Variants in RETREG3 observed in about 807,000 individuals in gnomAD.
The protein encoded by RETREG3 is reticulophagy regulator family member 3.
In RETREG3, 23 loss-of-function variants were observed where a neutral mutation model predicts 50.2. The observed-to-expected ratio is 0.46, with a 90% confidence interval of 0.33 to 0.65. RETREG3 has a LOEUF of 0.65. Among genes scored for constraint, RETREG3 ranks in the 30% least tolerant of loss-of-function variants. The pLI is 0.02. For missense variants in RETREG3, 546 were observed against 598.0 expected (o/e 0.91, Z 0.91); for synonymous variants, 240 against 234.4 (o/e 1.02, Z -0.22).
rs1323489567 is a variant in RETREG3 at position 42,585,209 on chromosome 17, C to T, written c.643G>A (p.Ala215Thr). Residue 215 changes from alanine to threonine, a missense_variant, in exon 6 of 9, where the codon GCA becomes ACA. By Grantham distance (58) the Ala-to-Thr change is moderately conservative. Coordinates refer to ENST00000309428, the MANE Select transcript of RETREG3 (RefSeq NM_178126.4). ...LAVYHRLWDR[A>T]YVRLKPALQR... ...AGAGCTGGCTTCAGCCGCACATATG[C>T]TCGATCCCACAGTCGGTGGTACACA... The T allele has an allele frequency of 6.2e-7, 1 of 1,613,944 alleles. No homozygotes were observed. Among genetic ancestry groups the T allele is most frequent in the Admixed American group, 1.7e-5 (1 of 60,012 alleles).
At chr17:42,592,193 A>C in intron 1 of RETREG3, 31 bp from the exon 2 acceptor site, 52 of 1,579,422 alleles carry the variant, frequency 3.3e-5, no homozygotes, top group Non-Finnish European at 4.1e-5. Flanking sequence ...AAGAAAGATC[A>C]TTTACCTAGT....
In RETREG3 at chr17:42,593,542, C is replaced by T. The variant is rs1182345459; in HGVS notation, c.240-1380G>A. Among the ~76,000 whole-genome samples, 5 of 150,082 alleles carry T rather than the reference C, an allele frequency of 3.3e-5. No homozygotes were observed. In the East Asian group the frequency reaches 1.0e-3, roughly 30 times the overall value. On this transcript the variant is annotated intron_variant, in intron 1 of 8. Transcript: ENST00000309428. Reference sequence around the variant, plus strand: ...GCGGGCGCCTGTAGTCCCAGCTGCTCGGGAGGCTGAGACGAGAATGGCGTG... The same window carrying T: ...GCGGGCGCCTGTAGTCCCAGCTGCTTGGGAGGCTGAGACGAGAATGGCGTG...
intron 8 of RETREG3, 46 bp from the exon 9 acceptor site, chr17:42,582,316 T>C (rs1451373039): frequency 6.5e-7 from 1 of 1,541,116 alleles, no homozygotes; most frequent in Non-Finnish European, 8.7e-7. Context: ...TACCTGGCCC[T>C]CCTGTGCCCC....
intron 6 of RETREG3, among the ~76,000 whole-genome samples, chr17:42,584,259 T>A (rs777672036): frequency 6.6e-6 from 1 of 152,136 alleles, no homozygotes; most frequent in East Asian, 1.9e-4. Flanking sequence ...AATCAGACTT[T>A]TGAGGACTGG....
chr17:42,592,343 C>T (rs2143394132), intron 1 of RETREG3, among the ~76,000 whole-genome samples, 181 bp from the exon 2 acceptor site: 1 of 152,322 alleles, frequency 6.6e-6, no homozygotes, highest in South Asian at 2.1e-4. Context: ...CTTAACTACT[C>T]TACCTATGGG....
chr17:42,586,350 G>C lies in RETREG3; in HGVS notation c.505-213C>G. On this transcript the variant is annotated intron_variant, in intron 4 of 8. Transcript: ENST00000309428. The stretch of plus-strand genomic sequence containing the variant: ...TTTACATGGCTAACCCCATAGGGCT[G>C]CACCTTTCCTGCCAAGAAATTGGTT... The C allele has an allele frequency of 5.7e-6, 3 of 526,768 alleles. No homozygotes were observed. In the South Asian group the frequency reaches 7.6e-5, roughly 13 times the overall value. The allele number at this position is 526,768 out of a possible 1,614,324, so 32.6% of individuals were successfully genotyped here.
intron 5 of RETREG3, 90 bp downstream of exon 5, chr17:42,585,963 T>C (rs2093120378): frequency 8.4e-7 from 1 of 1,191,830 alleles, no homozygotes; most frequent in South Asian, 1.2e-5. Flanking sequence ...AATTGAAATA[T>C]AACAGTCCTC....
At chr17:42,601,429 C>A (rs1266131123) in intron 1 of RETREG3, among the ~76,000 whole-genome samples, 1 of 146,006 alleles carries the variant, frequency 6.8e-6, no homozygotes, top group African/African-American at 2.5e-5. Context: ...AAAAATTAGC[C>A]GGGAGTGGTG....
Position 42,585,222 on chromosome 17 carries a change from T to A in RETREG3, c.630A>T (p.Arg210=). The A allele has an allele frequency of 6.2e-7, 1 of 1,614,034 alleles. No individual in the cohort carries two copies. Among genetic ancestry groups the A allele is most frequent in the Non-Finnish European group, 8.5e-7 (1 of 1,180,034 alleles). Residue 210 remains arginine, a synonymous_variant, in exon 6 of 9, where the codon CGA becomes CGT. Transcript: ENST00000309428. ...VMMWPLAVYH[R]LWDRAYVRLK... ...GCCGCACATATGCTCGATCCCACAGTCGGTGGTACACAGCAAGGGGCCACA... is the reference window on the plus strand; with the variant it reads ...GCCGCACATATGCTCGATCCCACAGACGGTGGTACACAGCAAGGGGCCACA...
rs760954637 is a variant in RETREG3 at position 42,609,173 on chromosome 17, G to A, written c.152C>T (p.Pro51Leu). 1 of 1,610,122 alleles carries A rather than the reference G, an allele frequency of 6.2e-7. No homozygotes were observed. Among genetic ancestry groups the A allele is most frequent in the Non-Finnish European group, 8.5e-7 (1 of 1,179,868 alleles). ...GGCTGCCTGCACCCGACTCAGCAGA[G>A]GCTCGTAAGGCCCCAGCACCTCCAC... is the stretch of plus-strand genomic sequence containing the variant. ...ALVEVLGPYE[P>L]LLSRVQAALV... The change falls in exon 1 of 9, where the codon CCT (proline) becomes CTT (leucine). Residue 51 changes from proline (P) to leucine (L), a missense_variant. By Grantham distance (98) the Pro-to-Leu change is moderately conservative. Coordinates refer to ENST00000309428, the MANE Select transcript of RETREG3 (RefSeq NM_178126.4).
At chr17:42,607,670 G>C (rs2093170643) in intron 1 of RETREG3, among the ~76,000 whole-genome samples, 1 of 151,936 alleles carries the variant, frequency 6.6e-6, no homozygotes. Context: ...GCCGGTTGTG[G>C]TGGTTCATGC....
chr17:42,605,381 G>A (rs2093166040), intron 1 of RETREG3: 1 of 152,008 alleles, frequency 6.6e-6, no homozygotes, highest in South Asian at 2.1e-4. Flanking sequence ...TTTCAGATTT[G>A]ATTTTTCTGA....
chr17:42,605,664 G>A (rs1314073924), intron 1 of RETREG3, among the ~76,000 whole-genome samples: 1 of 152,136 alleles, frequency 6.6e-6, no homozygotes, highest in Non-Finnish European at 1.5e-5. Flanking sequence ...GTCCTCTCCA[G>A]AAATGGCATA....
chr17:42,585,240 G>A lies in RETREG3; in HGVS notation c.612C>T (p.Pro204=). ...CCCACAGTCGGTGGTACACAGCAAG[G>A]GGCCACATCATGACAGTGACAACTG... ...YLMLVTVMMW[P]LAVYHRLWDR... is the part of the protein sequence containing the mutation. The change falls in exon 6 of 9, where the codon CCC becomes CCT. Residue 204 remains proline (P), a synonymous_variant. Coordinates refer to ENST00000309428, the MANE Select transcript of RETREG3 (RefSeq NM_178126.4). The A allele has an allele frequency of 6.2e-7, 1 of 1,613,940 alleles. No individual in the cohort carries two copies. The highest frequency in any genetic ancestry group is 1.1e-5 in the South Asian group (1 of 91,076).
At chr17:42,607,074 G>T (rs576632585) in intron 1 of RETREG3, among the ~76,000 whole-genome samples, 1 of 152,168 alleles carries the variant, frequency 6.6e-6, no homozygotes, top group African/African-American at 2.4e-5. Context: ...GGTTTAATGA[G>T]GCCCAGCCTT....
chr17:42,607,320 G>A (rs1374835271), intron 1 of RETREG3, among the ~76,000 whole-genome samples: 2 of 151,696 alleles, frequency 1.3e-5, no homozygotes, highest in Admixed American at 6.6e-5. Flanking sequence ...GCAATATAGT[G>A]AGACCCTGTC....
intron 1 of RETREG3, chr17:42,598,713 A>G (rs926023416): frequency 6.6e-6 from 1 of 152,146 alleles, no homozygotes; most frequent in South Asian, 2.1e-4. Flanking sequence ...CTGTCACGTT[A>G]TATCGTGAAC....
chr17:42,583,412 G>A (rs2093114208), intron 7 of RETREG3, 86 bp downstream of exon 7: 12 of 1,301,730 alleles, frequency 9.2e-6, no homozygotes, highest in Admixed American at 2.0e-5. Context: ...CCTCAAACCT[G>A]GTTATGGCCT....
At chr17:42,608,057 T>C (rs1381898146) in intron 1 of RETREG3, among the ~76,000 whole-genome samples, 1 of 152,322 alleles carries the variant, frequency 6.6e-6, no homozygotes, top group South Asian at 2.1e-4. Context: ...GGATAATAAA[T>C]GTTTTGATTT....
Sources: gnomAD v4.1 joint callset for allele counts (sites outside exome capture counted in the v4.1 genomes callset) on GRCh38, gnomAD v4.1.1 for gene constraint, MANE v1.5 for transcripts, NCBI Gene and HGNC (gene_info 2026-07-23, HGNC 2026-07-21) for gene names.